NELL1: variants seen among roughly 807,000 people sequenced by gnomAD.
NELL1 encodes the protein protein kinase C-binding protein NELL1.
In NELL1, 76 loss-of-function variants were observed where a neutral mutation model predicts 107.4. That is an observed-to-expected ratio of 0.71 (90% CI 0.59 to 0.86). The LOEUF is 0.86. Ranked by LOEUF, NELL1 falls within the 40% of genes least tolerant of loss-of-function variation. The probability of loss-of-function intolerance (pLI) is 0.00; values close to 1 mark genes in which losing one functional copy is unlikely to be tolerated. For synonymous variants in NELL1, 353 were observed against 341.2 expected, an observed-to-expected ratio of 1.03 and a Z score of -0.38; for missense variants, 1,024 against 1,005.5, an observed-to-expected ratio of 1.02 and a Z score of -0.25.
chr11:20,741,220 C>T (rs1855882541), intron 2 of NELL1, among the ~76,000 whole-genome samples: 1 of 151,914 alleles, frequency 6.6e-6, no homozygotes. Flanking sequence ...TTCCTGGAGC[C>T]TTCTCGCCCC....
intron 19 of NELL1, 31 bp from the exon 20 acceptor site, chr11:21,574,941 A>G (rs775085662): frequency 1.1e-5 from 17 of 1,596,894 alleles, no homozygotes; most frequent in Non-Finnish European, 1.5e-5. Context: ...CCATGTCTCA[A>G]CTGGCTAACA....
intron 11 of NELL1, among the ~76,000 whole-genome samples, chr11:20,948,765 T>TAA (rs35915453): frequency 3.6e-4 from 39 of 107,256 alleles, no homozygotes; most frequent in South Asian, 6.9e-4. Flanking sequence ...TTCAAAATCT[T>TAA]AAAAAAAAAA....
chr11:20,876,932 A>T (rs1164188470), intron 4 of NELL1, among the ~76,000 whole-genome samples: 1 of 152,184 alleles, frequency 6.6e-6, no homozygotes, highest in Non-Finnish European at 1.5e-5. Flanking sequence ...AATAATGCTG[A>T]TGACATCATG....
intron 12 of NELL1, among the ~76,000 whole-genome samples, chr11:20,984,634 C>CT (rs1455812854): frequency 2.6e-5 from 4 of 151,882 alleles, no homozygotes; most frequent in Admixed American, 2.6e-4. Flanking sequence ...CCATCTCCTC[C>CT]TTTAACCTGG....
intron 14 of NELL1, among the ~76,000 whole-genome samples, chr11:21,271,562 T>C (rs1279682013): frequency 6.6e-6 from 1 of 152,210 alleles, no homozygotes; most frequent in Non-Finnish European, 1.5e-5. Context: ...AAAGAAATTA[T>C]ACAAATTCTC....
chr11:21,154,516 A>G (rs755933762), intron 13 of NELL1, among the ~76,000 whole-genome samples: 1 of 152,196 alleles, frequency 6.6e-6, no homozygotes, highest in Non-Finnish European at 1.5e-5. Context: ...TGAATAAACC[A>G]CAGTCTTTTT....
intron 12 of NELL1, among the ~76,000 whole-genome samples, chr11:21,008,292 A>G (rs1257982809): frequency 1.3e-5 from 2 of 152,194 alleles, no homozygotes; most frequent in African/African-American, 4.8e-5. Flanking sequence ...TACAAACTAC[A>G]TCTTAAATCC....
chr11:21,197,081 A>G (rs1414793759), intron 13 of NELL1, among the ~76,000 whole-genome samples: 1 of 151,502 alleles, frequency 6.6e-6, no homozygotes, highest in Non-Finnish European at 1.5e-5. Flanking sequence ...CATACACCAT[A>G]TTGGCTAGGG....
At chr11:21,272,270 C>G (rs376668340) in intron 14 of NELL1, among the ~76,000 whole-genome samples, 3 of 152,202 alleles carry the variant, frequency 2.0e-5, no homozygotes, top group African/African-American at 7.2e-5. Flanking sequence ...ACCCCTGGCT[C>G]GGAGGGCCCT....
In NELL1 at chr11:21,467,203, C is replaced by A. The variant is rs187319648; in HGVS notation, c.1646-67171C>A. Among the ~76,000 whole-genome samples the A allele has an allele frequency of 5.3e-3, 808 of 152,160 alleles. 6 individuals are homozygous for A. Among genetic ancestry groups the A allele is most frequent in the African/African-American group, 0.017 (710 of 41,520 alleles). On this transcript the variant is annotated intron_variant, in intron 15 of 19. Coordinates refer to ENST00000357134, the MANE Select transcript of NELL1 (RefSeq NM_006157.5). Reference sequence around the variant, plus strand: ...GAATTGCAGATCCCATACTTACTAACTGTGTATGACTTAAGACAAGGTACT... The same window carrying A: ...GAATTGCAGATCCCATACTTACTAAATGTGTATGACTTAAGACAAGGTACT...
At chr11:21,390,558 C>A (rs932013941) in intron 15 of NELL1, among the ~76,000 whole-genome samples, 1 of 151,262 alleles carries the variant, frequency 6.6e-6, no homozygotes, top group East Asian at 2.0e-4. Context: ...CACCCAAACA[C>A]TTCCCATTTC....
chr11:21,471,311 T>G (rs1854174761), intron 15 of NELL1, among the ~76,000 whole-genome samples: 1 of 152,068 alleles, frequency 6.6e-6, no homozygotes, highest in Non-Finnish European at 1.5e-5. Context: ...GGAATAAAAT[T>G]TAGCCCAAGA....
chr11:20,931,231 C>T (rs958724756), intron 9 of NELL1, among the ~76,000 whole-genome samples: 1 of 151,366 alleles, frequency 6.6e-6, no homozygotes, highest in Non-Finnish European at 1.5e-5. Flanking sequence ...GGGAGAATAC[C>T]GGGGGAAGGC....
At chr11:21,066,657 A>G (rs750040417) in intron 12 of NELL1, among the ~76,000 whole-genome samples, 2 of 152,186 alleles carry the variant, frequency 1.3e-5, no homozygotes, top group African/African-American at 2.4e-5. Context: ...ACACTGAATA[A>G]AAGAGTTCCA....
At chr11:21,271,661 A>T (rs1368299189) in intron 14 of NELL1, among the ~76,000 whole-genome samples, 1 of 152,210 alleles carries the variant, frequency 6.6e-6, no homozygotes, top group Non-Finnish European at 1.5e-5. Flanking sequence ...ACCAGACAAA[A>T]ACATCACAAG....
intron 13 of NELL1, among the ~76,000 whole-genome samples, chr11:21,207,965 A>G (rs1376795498): frequency 6.6e-6 from 1 of 152,196 alleles, no homozygotes; most frequent in Non-Finnish European, 1.5e-5. Flanking sequence ...GATCATAAAA[A>G]GGTTACAATA....
At chr11:20,749,200 T>C (rs1197459035) in intron 2 of NELL1, among the ~76,000 whole-genome samples, 2 of 152,160 alleles carry the variant, frequency 1.3e-5, no homozygotes, top group African/African-American at 4.8e-5. Flanking sequence ...GCAGGGGATG[T>C]CACACAGTAT....
chr11:20,824,273 A>C (rs540395586), intron 3 of NELL1, among the ~76,000 whole-genome samples: 2 of 151,460 alleles, frequency 1.3e-5, no homozygotes, highest in South Asian at 4.2e-4. Flanking sequence ...AGCCAAGCTG[A>C]ACTGTGAATT....
intron 14 of NELL1, among the ~76,000 whole-genome samples, chr11:21,311,149 C>T (rs1849741690): frequency 1.3e-5 from 2 of 152,106 alleles, no homozygotes; most frequent in African/African-American, 4.8e-5. Flanking sequence ...AAAAGAAATG[C>T]ATTACCCATG....
Sources: allele counts gnomAD v4.1 joint callset (sites outside exome capture counted in the v4.1 genomes callset), GRCh38; gene constraint gnomAD v4.1.1; transcripts MANE v1.5; gene names NCBI Gene and HGNC (gene_info 2026-07-23, HGNC 2026-07-21).